Variants in RBFOX3 observed in about 807,000 individuals in gnomAD.
RBFOX3 encodes the protein RNA binding protein fox-1 homolog 3.
Under a neutral mutation model 48.7 loss-of-function variants are expected in RBFOX3, and 17 were observed. The ratio of observed to expected loss-of-function variants is 0.35; its 90% CI spans 0.24 to 0.52. The LOEUF is 0.52. RBFOX3 is among the 20% of genes least tolerant of loss of function. RBFOX3 has a pLI of 0.94. For missense variants in RBFOX3, 382 were observed against 497.5 expected, an observed-to-expected ratio of 0.77 and a Z score of 2.21; for synonymous variants, 212 against 209.5, an observed-to-expected ratio of 1.01 and a Z score of -0.10.
At position 79,198,279 on chromosome 17, in the gene RBFOX3, C is replaced by A. The variant is rs113654996; in HGVS notation, c.-34+37487G>T. On this transcript the variant is annotated intron_variant, in intron 4 of 14. Transcript: ENST00000693108. This position sits in a 1 kb window ranked among gnomAD's most constrained non-coding sequence, Gnocchi z 8.2. ...GCCCTCTGCCCTCGCCCCTGCCCTG[C>A]ACCTCTCCATCCCACATGAGGCGAC... Among the ~76,000 whole-genome samples, 5,075 of 152,316 alleles carry A rather than the reference C, an allele frequency of 0.033. 124 individuals carry two copies. Among genetic ancestry groups the A allele is most frequent in the African/African-American group, 0.061 (2,529 of 41,560 alleles).
At chr17:79,149,632 G>A (rs1043122808) in intron 4 of RBFOX3, among the ~76,000 whole-genome samples, 1 of 152,004 alleles carries the variant, frequency 6.6e-6, no homozygotes, top group African/African-American at 2.4e-5. Context: ...CAGCTGGACC[G>A]TCCCCACACA....
At chr17:79,317,624 G>C (rs2077719987) in intron 2 of RBFOX3, among the ~76,000 whole-genome samples, 1 of 152,178 alleles carries the variant, frequency 6.6e-6, no homozygotes, top group Non-Finnish European at 1.5e-5. Flanking sequence ...AACTCAAAGG[G>C]GACAAACACA....
rs1273608542 is a variant in RBFOX3, at chr17:79,129,406, G to A, written c.-33-13658C>T. Among the ~76,000 whole-genome samples, 3 of 104,168 alleles carry A rather than the reference G, an allele frequency of 2.9e-5. 1 individual carries two copies. The highest frequency in any genetic ancestry group is 4.7e-5 in the Non-Finnish European group (2 of 42,906). 68.3% of individuals were successfully genotyped at this position (104,168 alleles called of 152,430 possible). A position where few individuals can be genotyped will look rare whatever the true frequency, so the allele number is the denominator to read the frequency against. ...ACAGGTATGGACTGCTTTCCAATCCGGAGTAAGAGGGTGTGCCCTAGAGAC... is the reference window on the plus strand; with the variant it reads ...ACAGGTATGGACTGCTTTCCAATCCAGAGTAAGAGGGTGTGCCCTAGAGAC... On this transcript the variant is annotated intron_variant, in intron 4 of 14. Transcript: ENST00000693108.
chr17:79,148,007 C>T (rs575646996), intron 4 of RBFOX3, among the ~76,000 whole-genome samples: 24 of 151,818 alleles, frequency 1.6e-4, no homozygotes, highest in African/African-American at 2.6e-4. Context: ...CCGCCGCTGC[C>T]GTGGGGCCCC....
intron 3 of RBFOX3, among the ~76,000 whole-genome samples, chr17:79,288,493 C>G (rs113330941): frequency 0.025 from 3,767 of 152,042 alleles, 63 homozygotes; most frequent in Admixed American, 0.051. Context: ...CCCAGCCCGG[C>G]TTCCAGCCCC....
chr17:79,494,834 C>T (rs1021153236), intron 1 of RBFOX3, among the ~76,000 whole-genome samples: 5 of 152,194 alleles, frequency 3.3e-5, no homozygotes, highest in African/African-American at 9.6e-5. Flanking sequence ...CACCAGCATC[C>T]GGTCCAGGGC....
intron 4 of RBFOX3, among the ~76,000 whole-genome samples, chr17:79,141,432 G>A (rs1449026176): frequency 2.0e-5 from 3 of 152,130 alleles, no homozygotes; most frequent in African/African-American, 7.2e-5. Context: ...GTCTCTTCTG[G>A]GCATCTGATT....
intron 6 of RBFOX3, among the ~76,000 whole-genome samples, chr17:79,105,581 G>C (rs575234244): frequency 2.6e-5 from 4 of 152,330 alleles, no homozygotes; most frequent in Non-Finnish European, 5.9e-5. Context: ...AATCCAACCA[G>C]GCCGGGCTCC....
At chr17:79,660,110 C>A in the RBFOX3 span, among the ~76,000 whole-genome samples, 1 of 152,158 alleles carries the variant, frequency 6.6e-6, no homozygotes, top group Non-Finnish European at 1.5e-5. Context: ...TCACTTGACC[C>A]TGGAAGGCAG....
At chr17:79,098,645 C>T (rs1466002409) in intron 9 of RBFOX3, 6 of 152,258 alleles carry the variant, frequency 3.9e-5, no homozygotes, top group Admixed American at 3.9e-4. Flanking sequence ...AAGACCTGCT[C>T]CACCTGGAGG....
rs545773926 is a variant in RBFOX3, at chr17:79,239,192, A to G, written c.-73-3387T>C. On this transcript the variant is annotated intron_variant, in intron 3 of 14. Coordinates refer to ENST00000693108, the MANE Select transcript of RBFOX3 (RefSeq NM_001350451.2). The stretch of plus-strand genomic sequence containing the variant: ...CTCTTCTGCACTCCCAGCATTTTCT[A>G]TGTCTCTGGTCCTTGCCCCACCTAC... Among the ~76,000 whole-genome samples the G allele has an allele frequency of 6.6e-5, 10 of 152,012 alleles. No homozygotes were observed. In the East Asian group the frequency reaches 1.8e-3, roughly 27 times the overall value.
chr17:79,460,668 C>T (rs1555748210), intron 2 of RBFOX3, among the ~76,000 whole-genome samples: 2 of 152,138 alleles, frequency 1.3e-5, no homozygotes, highest in African/African-American at 4.8e-5. Context: ...GAGAGTCTGC[C>T]CTCATGAATA....
At chr17:79,130,907 C>T (rs1002932656) in intron 4 of RBFOX3, among the ~76,000 whole-genome samples, 4 of 152,264 alleles carry the variant, frequency 2.6e-5, no homozygotes, top group African/African-American at 4.8e-5. Context: ...CCAGAGCCGC[C>T]GTGGTGCTAG....
At chr17:79,147,917 G>A (rs1250655113) in intron 4 of RBFOX3, among the ~76,000 whole-genome samples, 1 of 152,250 alleles carries the variant, frequency 6.6e-6, no homozygotes, top group East Asian at 1.9e-4. Context: ...AAAAGGAATT[G>A]ACTGATCCCC....
rs1349976841 is a variant in RBFOX3, at chr17:79,090,877, A to G, written c.*6T>C. 6.5e-7 allele frequency: 1 copy of G among 1,527,046 alleles called. No homozygotes were observed. Among genetic ancestry groups the G allele is most frequent in the Admixed American group, 2.2e-5 (1 of 44,948 alleles). The allele number at this position is 1,527,046 out of a possible 1,614,324, so 94.6% of individuals were successfully genotyped here. ...TCATGGTCCGAGAAGGAAACGGTGGAAGGTTTCACTACAACAGAAACAGAA... is the reference window on the plus strand; with the variant it reads ...TCATGGTCCGAGAAGGAAACGGTGGGAGGTTTCACTACAACAGAAACAGAA... On this transcript the variant is annotated 3_prime_UTR_variant, in exon 15 of 15. Transcript: ENST00000693108.
At chr17:79,206,535 A>T (rs1437532862) in intron 4 of RBFOX3, among the ~76,000 whole-genome samples, 2 of 138,858 alleles carry the variant, frequency 1.4e-5, no homozygotes. Flanking sequence ...GGGGTGCAAG[A>T]AGTGGGCGGG....
At chr17:79,436,396 C>G (rs998273839) in intron 2 of RBFOX3, among the ~76,000 whole-genome samples, 3 of 152,240 alleles carry the variant, frequency 2.0e-5, no homozygotes, top group Admixed American at 6.5e-5. Context: ...AGCATGAGTA[C>G]GGTTGAAGCA....
In RBFOX3 at chr17:79,102,957, CGGGTGAGCCTGAA is replaced by C. The variant is rs1341371080; in HGVS notation, c.507+192_507+204del. Among the ~76,000 whole-genome samples, 3 of 151,482 alleles carry C rather than the reference CGGGTGAGCCTGAA, an allele frequency of 2.0e-5. No homozygotes were observed. In the East Asian group the frequency reaches 5.9e-4, roughly 30 times the overall value. ...GGAAGAGGCAGGGGAGAGGGGACCT[CGGGTGAGCCTGAA>C]GGGGTGACAGGTGATAGGGCTCAGC... On this transcript the variant is annotated intron_variant, in intron 8 of 14. Coordinates refer to ENST00000693108, the MANE Select transcript of RBFOX3 (RefSeq NM_001350451.2).
intron 2 of RBFOX3, among the ~76,000 whole-genome samples, chr17:79,410,414 G>A (rs545627693): frequency 1.1e-4 from 17 of 152,228 alleles, no homozygotes; most frequent in African/African-American, 3.9e-4. Flanking sequence ...AACACAAACC[G>A]AGGTGCAGCT....
Sources: gnomAD v4.1 joint callset for allele counts (sites outside exome capture counted in the v4.1 genomes callset) on GRCh38, gnomAD v4.1.1 for gene constraint, Gnocchi (gnomAD v3.1) non-coding constraint, MANE v1.5 for transcripts, NCBI Gene and HGNC (gene_info 2026-07-23, HGNC 2026-07-21) for gene names.